Variants in SENP7 observed in about 807,000 individuals in gnomAD.
SENP7 encodes SUMO specific peptidase 7.
SENP7 carries 64 observed loss-of-function variants against 141.2 expected under a neutral mutation model. The observed-to-expected ratio is 0.45, with a 90% CI of 0.37 to 0.56. SENP7 has a LOEUF of 0.56. Among genes scored for constraint, SENP7 ranks in the 20% least tolerant of loss-of-function variants. The pLI, the probability that SENP7 is intolerant of heterozygous loss-of-function variation, is 0.00. For synonymous variants in SENP7, 382 were observed against 426.4 expected (o/e 0.90, Z 1.28); for missense variants, 1,025 against 1,212.2 (o/e 0.85, Z 2.29).
At chr3:101,483,476 A>T (rs1157534693) in intron 3 of SENP7, among the ~76,000 whole-genome samples, 1 of 152,132 alleles carries the variant, frequency 6.6e-6, no homozygotes, top group African/African-American at 2.4e-5. Context: ...TGGGGAATAA[A>T]GGGGGTGGGA....
At chr3:101,379,737 T>C (rs890495489) in intron 6 of SENP7, among the ~76,000 whole-genome samples, 3 of 152,206 alleles carry the variant, frequency 2.0e-5, no homozygotes, top group African/African-American at 7.2e-5. Context: ...CAATGTAACA[T>C]GGTGCAGCCA....
At chr3:101,395,651 T>C (rs1576212600) in intron 6 of SENP7, among the ~76,000 whole-genome samples, 1 of 152,236 alleles carries the variant, frequency 6.6e-6, no homozygotes, top group Non-Finnish European at 1.5e-5. Flanking sequence ...AGGGTTAAGA[T>C]TAACAAATTC....
intron 3 of SENP7, among the ~76,000 whole-genome samples, chr3:101,460,538 A>G (rs1559860884): frequency 6.6e-6 from 1 of 152,234 alleles, no homozygotes; most frequent in Admixed American, 6.5e-5. Flanking sequence ...ATATTCAAAA[A>G]TGAATTCAAA....
chr3:101,475,849 T>A (rs1219198102), intron 3 of SENP7, among the ~76,000 whole-genome samples: 1 of 152,012 alleles, frequency 6.6e-6, no homozygotes, highest in Non-Finnish European at 1.5e-5. Context: ...AGCACTCAGA[T>A]AAATAAAGCA....
chr3:101,497,885 C>T (rs1163534574), intron 2 of SENP7, among the ~76,000 whole-genome samples: 1 of 152,208 alleles, frequency 6.6e-6, no homozygotes, highest in Non-Finnish European at 1.5e-5. Flanking sequence ...TGATCACAGC[C>T]TCAACTCCCC....
At chr3:101,494,071 T>C (rs2065069744) in intron 2 of SENP7, 103 bp from the exon 3 acceptor site, 2 of 543,592 alleles carry the variant, frequency 3.7e-6, no homozygotes, top group Non-Finnish European at 6.5e-6. Flanking sequence ...ATTTGCTAAC[T>C]GTTTTAAGGA....
chr3:101,412,561 C>T (rs2061485973), intron 5 of SENP7, among the ~76,000 whole-genome samples: 1 of 151,982 alleles, frequency 6.6e-6, no homozygotes, highest in Non-Finnish European at 1.5e-5. Flanking sequence ...TAATTTTAAA[C>T]ACATATAAAT....
At chr3:101,338,143 ACT>A (rs1242735363) in intron 16 of SENP7, among the ~76,000 whole-genome samples, 21 of 144,030 alleles carry the variant, frequency 1.5e-4, no homozygotes, top group Admixed American at 4.4e-4. Flanking sequence ...ACACAGCGAG[ACT>A]CTGTCTCAAA....
At chr3:101,490,382 C>T (rs2064916910) in intron 3 of SENP7, among the ~76,000 whole-genome samples, 1 of 151,924 alleles carries the variant, frequency 6.6e-6, no homozygotes, top group Non-Finnish European at 1.5e-5. Context: ...CAAAAGAGTA[C>T]ATATTATGTG....
intron 3 of SENP7, among the ~76,000 whole-genome samples, chr3:101,478,200 A>G (rs575762898): frequency 6.6e-6 from 1 of 152,228 alleles, no homozygotes; most frequent in Non-Finnish European, 1.5e-5. Context: ...CAGAAACCCT[A>G]AACAACCCAA....
chr3:101,389,936 T>C (rs975759797), intron 6 of SENP7, among the ~76,000 whole-genome samples: 55 of 152,270 alleles, frequency 3.6e-4, no homozygotes, highest in African/African-American at 1.3e-3. Context: ...TTGAAATATA[T>C]GAGCCAGGCA....
chr3:101,512,997 G>C, intron 1 of SENP7, 94 bp downstream of exon 1: 124 of 1,158,516 alleles, frequency 1.1e-4, no homozygotes, highest in African/African-American at 2.1e-4. Context: ...CCTCGCCCCC[G>C]CGGCTTCGGG....
intron 4 of SENP7, among the ~76,000 whole-genome samples, chr3:101,440,030 G>A (rs2062594309): frequency 7.0e-5 from 5 of 71,112 alleles, no homozygotes; most frequent in Admixed American, 4.5e-4. Context: ...ACTGGGAAGT[G>A]AGGAGCCCCT....
chr3:101,462,287 A>C (rs1001436255), intron 3 of SENP7, among the ~76,000 whole-genome samples: 2 of 152,224 alleles, frequency 1.3e-5, no homozygotes, highest in African/African-American at 4.8e-5. Context: ...CACACCTGTA[A>C]TCCCAGCACT....
At chr3:101,380,445 C>CCCCCACACA (rs58844573) in intron 6 of SENP7, among the ~76,000 whole-genome samples, 14 of 128,868 alleles carry the variant, frequency 1.1e-4, no homozygotes, top group South Asian at 5.4e-4. Flanking sequence ...GCCCCCCCCC[C>CCCCCACACA]CACACACACA....
At position 101,513,099 on chromosome 3, in the gene SENP7, G is replaced by A. The variant is rs1269135383; in HGVS notation, c.32C>T (p.Ser11Phe). 1.2e-6 allele frequency: 2 copies of A among 1,613,218 alleles called. No homozygotes were observed. The highest frequency in any genetic ancestry group is 2.2e-5 in the South Asian group (2 of 91,058). The change falls in exon 1 of 24, where the codon TCT becomes TTT. Residue 11 changes from serine (S) to phenylalanine (F), a missense_variant. Transcript: ENST00000394095. Reference sequence around the variant, plus strand: ...CTCTGACCCTTTCTCACCGGATGAAGATGGCCGTCGCCCGAGCTTTCTCTT... The same window carrying A: ...CTCTGACCCTTTCTCACCGGATGAAAATGGCCGTCGCCCGAGCTTTCTCTT... Reference protein sequence around the residue: MDKRKLGRRPSSSEIITEGKR... With the variant: MDKRKLGRRPFSSEIITEGKR...
intron 12 of SENP7, among the ~76,000 whole-genome samples, chr3:101,348,634 A>C (rs2059534937): frequency 6.6e-6 from 1 of 152,146 alleles, no homozygotes; most frequent in African/African-American, 2.4e-5. Context: ...TCTCAAGAAA[A>C]TTAGGAGGTT....
chr3:101,411,543 G>A (rs972302080), intron 5 of SENP7, among the ~76,000 whole-genome samples: 28 of 152,152 alleles, frequency 1.8e-4, no homozygotes, highest in African/African-American at 6.5e-4. Context: ...TAGGCTTGAA[G>A]AACACAAATC....
intron 4 of SENP7, among the ~76,000 whole-genome samples, chr3:101,449,377 A>T (rs2063028752): frequency 6.6e-6 from 1 of 152,162 alleles, no homozygotes. Context: ...AGAACGCCAC[A>T]AAGATACTCC....
Sources: allele counts gnomAD v4.1 joint callset (sites outside exome capture counted in the v4.1 genomes callset), GRCh38; gene constraint gnomAD v4.1.1; transcripts MANE v1.5; gene names NCBI Gene and HGNC (gene_info 2026-07-23, HGNC 2026-07-21).